Variants in EPHB2 observed in about 807,000 individuals in gnomAD.
EPHB2 encodes the protein ephrin type-B receptor 2.
A neutral mutation model predicts 96.4 loss-of-function variants in EPHB2; 18 were observed. That is an observed-to-expected ratio of 0.19 (90% confidence interval 0.13 to 0.28). EPHB2 has a LOEUF of 0.28. Among genes scored for constraint, EPHB2 ranks in the 10% least tolerant of loss-of-function variants. The pLI, the probability that EPHB2 is intolerant of heterozygous loss-of-function variation, is 1.00. For missense variants in EPHB2, 989 were observed against 1,355.4 expected (o/e 0.73, Z 4.25); for synonymous variants, 506 against 534.1 (o/e 0.95, Z 0.72).
At chr1:22,886,165 A>G (rs1228273606) in intron 6 of EPHB2, among the ~76,000 whole-genome samples, 3 of 152,174 alleles carry the variant, frequency 2.0e-5, no homozygotes, top group African/African-American at 7.2e-5. Flanking sequence ...TCATTCAGTG[A>G]CACTTAAGCT....
chr1:22,855,104 G>A (rs919230089), intron 3 of EPHB2, among the ~76,000 whole-genome samples: 10 of 152,222 alleles, frequency 6.6e-5, no homozygotes, highest in Non-Finnish European at 5.9e-5. Context: ...GCCAGGCAGC[G>A]CCTTCCTTGG....
chr1:22,712,668 G>T (rs1165078476), intron 1 of EPHB2, among the ~76,000 whole-genome samples: 3 of 152,236 alleles, frequency 2.0e-5, no homozygotes, highest in Admixed American at 2.0e-4. Flanking sequence ...GCTGACTGCG[G>T]TTTCCCGGAG....
intron 3 of EPHB2, 62 bp downstream of exon 3, chr1:22,785,138 T>C: frequency 6.3e-7 from 1 of 1,591,228 alleles, no homozygotes; most frequent in Non-Finnish European, 8.6e-7. Flanking sequence ...GGCTGCAGAC[T>C]CGGGCTGCAG....
At chr1:22,815,587 T>G (rs1425172061) in intron 3 of EPHB2, among the ~76,000 whole-genome samples, 1 of 152,262 alleles carries the variant, frequency 6.6e-6, no homozygotes, top group Non-Finnish European at 1.5e-5. Flanking sequence ...CCCCAGGCCC[T>G]TCTTGGCTCT....
chr1:22,845,064 G>C (rs535958112), intron 3 of EPHB2, among the ~76,000 whole-genome samples: 1 of 152,228 alleles, frequency 6.6e-6, no homozygotes, highest in Non-Finnish European at 1.5e-5. Flanking sequence ...AGGAGGTGAC[G>C]ATGATGAGTT....
chr1:22,761,479 G>A (rs1221591592), intron 1 of EPHB2, among the ~76,000 whole-genome samples: 1 of 152,140 alleles, frequency 6.6e-6, no homozygotes, highest in Non-Finnish European at 1.5e-5. Context: ...ATTTGGAGAG[G>A]GGTGAGAATA....
chr1:22,856,635 C>T (rs1645703507), intron 3 of EPHB2, among the ~76,000 whole-genome samples: 1 of 152,186 alleles, frequency 6.6e-6, no homozygotes, highest in African/African-American at 2.4e-5. Context: ...CCAGCTGTGC[C>T]ACTGACTTGC....
intron 1 of EPHB2, among the ~76,000 whole-genome samples, chr1:22,754,058 G>C (rs1416233540): frequency 6.6e-6 from 1 of 152,168 alleles, no homozygotes; most frequent in Non-Finnish European, 1.5e-5. Flanking sequence ...CCGCTGTAAG[G>C]ACCCCAAATC....
At chr1:22,767,592 C>T (rs372640180) in intron 1 of EPHB2, among the ~76,000 whole-genome samples, 8 of 152,248 alleles carry the variant, frequency 5.3e-5, no homozygotes, top group African/African-American at 1.4e-4. Context: ...CCTGGCAGGT[C>T]GTAGGTGCTC....
rs1175066410 is a variant in EPHB2, at chr1:22,784,728, C to T, written c.463C>T (p.Arg155Cys). ...ESFSQVDLGGRVMKINTEVRS... is the reference protein window; with the variant it reads ...ESFSQVDLGGCVMKINTEVRS... Reference sequence around the variant, plus strand: ...CTTCTCCCAGGTGGACCTGGGTGGCCGCGTCATGAAAATCAACACCGAGGT... The same window carrying T: ...CTTCTCCCAGGTGGACCTGGGTGGCTGCGTCATGAAAATCAACACCGAGGT... Residue 155 changes from arginine (R) to cysteine (C), a missense_variant, in exon 3 of 16, where the codon CGC becomes TGC. Physicochemically the swap from Arg to Cys is radical, Grantham distance 180. Coordinates refer to ENST00000374630, the MANE Select transcript of EPHB2 (RefSeq NM_017449.5). The surrounding 1 kb of genome is among the most constrained non-coding windows in gnomAD (Gnocchi z 5.1). The T allele has an allele frequency of 2.5e-6, 4 of 1,612,822 alleles. No individual in the cohort carries two copies. Among genetic ancestry groups the T allele is most frequent in the Admixed American group, 1.7e-5 (1 of 59,992 alleles).
At chr1:22,895,411 G>T in intron 7 of EPHB2, 61 bp from the exon 8 acceptor site, 1 of 1,519,988 alleles carries the variant, frequency 6.6e-7, no homozygotes, top group Non-Finnish European at 9.1e-7. Context: ...GGGGGTAGGG[G>T]ACAAGGGTAT....
intron 3 of EPHB2, among the ~76,000 whole-genome samples, chr1:22,793,725 C>T (rs572467418): frequency 7.2e-5 from 11 of 152,156 alleles, no homozygotes; most frequent in Non-Finnish European, 1.5e-4. Flanking sequence ...CTGTGTGTCC[C>T]GCACTGTGGT....
intron 3 of EPHB2, among the ~76,000 whole-genome samples, chr1:22,857,095 C>T (rs1188561459): frequency 6.6e-6 from 1 of 152,212 alleles, no homozygotes; most frequent in East Asian, 1.9e-4. Flanking sequence ...AGAACAAAAT[C>T]ACGTGCCATG....
chr1:22,815,667 G>A (rs777262755), intron 3 of EPHB2, among the ~76,000 whole-genome samples: 1 of 152,254 alleles, frequency 6.6e-6, no homozygotes, highest in Non-Finnish European at 1.5e-5. Flanking sequence ...GAAGCAATTT[G>A]TCAGTCCTGG....
At chr1:22,783,328 C>A (rs1423110383) in intron 2 of EPHB2, among the ~76,000 whole-genome samples, 1 of 152,214 alleles carries the variant, frequency 6.6e-6, no homozygotes, top group African/African-American at 2.4e-5. Context: ...AGAGGGGACT[C>A]TGCTGTTGGG....
intron 1 of EPHB2, among the ~76,000 whole-genome samples, chr1:22,722,859 C>T (rs1643497071): frequency 6.6e-6 from 1 of 152,154 alleles, no homozygotes; most frequent in Non-Finnish European, 1.5e-5. Flanking sequence ...CTGGAAGAGG[C>T]GACTTCTAAG....
intron 3 of EPHB2, among the ~76,000 whole-genome samples, chr1:22,835,471 C>T (rs6665618): frequency 0.99 from 150,227 of 152,376 alleles, 74,100 homozygotes; most frequent in East Asian, 1. Flanking sequence ...CACAGACATG[C>T]ACATATGTTT....
intron 5 of EPHB2, among the ~76,000 whole-genome samples, chr1:22,872,990 C>T (rs1353649612): frequency 6.6e-6 from 1 of 152,228 alleles, no homozygotes; most frequent in African/African-American, 2.4e-5. Flanking sequence ...CTTTGATCCT[C>T]CCAAGCATTC....
At position 22,921,158 on chromosome 1, in the gene EPHB2, G is replaced by A. The variant is rs1042504971; in HGVS notation, c.*7588G>A. 3.3e-5 allele frequency: 5 copies of A among 152,270 alleles called. No individual in the cohort carries two copies. The highest frequency in any genetic ancestry group is 7.3e-5 in the Non-Finnish European group (5 of 68,114). The allele number at this position is 152,270 out of a possible 1,614,324, so 9.4% of individuals were successfully genotyped here. ...TCAGAGCCATGGGCTGTGGGAGTGA[G>A]TGTGCACACTCCTTCTCCTGAAGTG... is the stretch of plus-strand genomic sequence containing the variant. On this transcript the variant is annotated 3_prime_UTR_variant, in exon 16 of 16. Coordinates refer to ENST00000374630, the MANE Select transcript of EPHB2 (RefSeq NM_017449.5).
Sources: gnomAD v4.1 joint callset for allele counts (sites outside exome capture counted in the v4.1 genomes callset) on GRCh38, gnomAD v4.1.1 for gene constraint, Gnocchi (gnomAD v3.1) non-coding constraint, MANE v1.5 for transcripts, NCBI Gene and HGNC (gene_info 2026-07-23, HGNC 2026-07-21) for gene names.